Variants in UGT1A8 observed in about 807,000 individuals in gnomAD.
UGT1A8 encodes UDP glucuronosyltransferase family 1 member A8, also known as UDP-glucuronosyltransferase 1A8.
In UGT1A8, 39 loss-of-function variants were observed where a neutral mutation model predicts 45.3. That is an observed-to-expected ratio of 0.86 (90% CI 0.67 to 1.12). UGT1A8 has a LOEUF of 1.12. Among genes scored for constraint, UGT1A8 ranks in the 50% most tolerant of loss-of-function variants. The probability of loss-of-function intolerance (pLI) is 0.00; values close to 1 mark genes in which losing one functional copy is unlikely to be tolerated. For missense variants in UGT1A8, 719 were observed against 664.9 expected (o/e 1.08, Z -0.90); for synonymous variants, 275 against 249.2 (o/e 1.10, Z -0.97).
intron 1 of UGT1A8, chr2:233,747,248 T>G: frequency 3.1e-6 from 5 of 1,601,666 alleles, no homozygotes; most frequent in Non-Finnish European, 4.3e-6. Context: ...CTGCTGTGGC[T>G]GGCCACAGGA....
intron 1 of UGT1A8, among the ~76,000 whole-genome samples, chr2:233,683,645 T>TTA (rs1357955429): frequency 6.6e-6 from 1 of 152,182 alleles, no homozygotes; most frequent in Non-Finnish European, 1.5e-5. Context: ...AATTTTGCAC[T>TTA]TTATAAAAGT....
chr2:233,754,416 A>G, intron 1 of UGT1A8: 1 of 342,596 alleles, frequency 2.9e-6, no homozygotes, highest in South Asian at 2.4e-5. Flanking sequence ...AACAATAAAG[A>G]CAGGCATTGG....
chr2:233,727,329 TC>T (rs2077605729), intron 1 of UGT1A8, among the ~76,000 whole-genome samples: 1 of 152,014 alleles, frequency 6.6e-6, no homozygotes, highest in Non-Finnish European at 1.5e-5. Context: ...CACCAGGAGC[TC>T]CTCCCTCCCC....
intron 1 of UGT1A8, among the ~76,000 whole-genome samples, chr2:233,757,010 A>G (rs1316931838): frequency 1.3e-5 from 2 of 151,932 alleles, no homozygotes; most frequent in African/African-American, 4.8e-5. Flanking sequence ...GGTAGAGTTC[A>G]GTTTGAACAA....
chr2:233,736,028 C>T lies in UGT1A8; in HGVS notation c.856-31006C>T, dbSNP rs2078720719. 2.0e-5 allele frequency among the ~76,000 whole-genome samples: 3 copies of T among 152,098 alleles called. No homozygotes were observed. The South Asian group carries it at 6.2e-4, about 32-fold the overall frequency. ...TCGAGGAGTATCTTTGTGGTGTTCT[C>T]TGTATTTCCTGAATTTGAATGTTGG... is the stretch of plus-strand genomic sequence containing the variant. On this transcript the variant is annotated intron_variant, in intron 1 of 4. Transcript: ENST00000373450.
chr2:233,755,073 T>A (rs764125289), intron 1 of UGT1A8: 1 of 1,336,212 alleles, frequency 7.5e-7, no homozygotes, highest in East Asian at 4.6e-5. Flanking sequence ...GCCATAGCGG[T>A]CATAGATATC....
chr2:233,715,087 T>C (rs2076431912), intron 1 of UGT1A8, among the ~76,000 whole-genome samples: 1 of 152,132 alleles, frequency 6.6e-6, no homozygotes, highest in Non-Finnish European at 1.5e-5. Context: ...AGTTTCATCA[T>C]ATTGGCCAGG....
intron 1 of UGT1A8, among the ~76,000 whole-genome samples, chr2:233,698,082 T>A (rs1434328705): frequency 6.6e-6 from 1 of 152,220 alleles, no homozygotes; most frequent in Non-Finnish European, 1.5e-5. Context: ...CTCTAATGAA[T>A]GTACTTTTTG....
chr2:233,635,924 G>A (rs1212170921), intron 1 of UGT1A8, among the ~76,000 whole-genome samples: 2 of 150,904 alleles, frequency 1.3e-5, no homozygotes, highest in Non-Finnish European at 2.9e-5. Flanking sequence ...GGTCCATGGA[G>A]GCAGGGTTGT....
intron 1 of UGT1A8, among the ~76,000 whole-genome samples, chr2:233,653,192 A>G (rs890568006): frequency 6.6e-6 from 1 of 152,234 alleles, no homozygotes; most frequent in African/African-American, 2.4e-5. Context: ...AACTTTAAAA[A>G]TTATTTATTT....
In UGT1A8 at chr2:233,719,788, G is replaced by T. The variant is rs184331208; in HGVS notation, c.856-47246G>T. 800 of 1,609,458 alleles carry T rather than the reference G, an allele frequency of 5.0e-4. 15 individuals are homozygous for T. The East Asian group carries it at 0.012, about 25-fold the overall frequency. On this transcript the variant is annotated intron_variant, in intron 1 of 4. Transcript: ENST00000373450. ...TTCCATATCTACTTATCTTTCCAAA[G>T]ATTTTATTTTGGCTTCTTTATAACA...
At chr2:233,684,145 C>A (rs1288847651) in intron 1 of UGT1A8, among the ~76,000 whole-genome samples, 1 of 152,164 alleles carries the variant, frequency 6.6e-6, no homozygotes, top group East Asian at 1.9e-4. Context: ...GACTTTGTAA[C>A]ACAGTCACAT....
intron 1 of UGT1A8, chr2:233,756,153 G>A (rs1213505703): frequency 6.6e-6 from 1 of 152,140 alleles, no homozygotes; most frequent in Non-Finnish European, 1.5e-5. Flanking sequence ...GGGATCCCTA[G>A]GATTTCCTGG....
At chr2:233,730,107 G>A (rs2077985691) in intron 1 of UGT1A8, 1 of 1,570,754 alleles carries the variant, frequency 6.4e-7, no homozygotes, top group Non-Finnish European at 8.6e-7. Flanking sequence ...TTTCATTTCT[G>A]CTTCTCCTTG....
At chr2:233,723,435 C>T (rs1211906407) in intron 1 of UGT1A8, among the ~76,000 whole-genome samples, 2 of 136,680 alleles carry the variant, frequency 1.5e-5, no homozygotes, top group East Asian at 4.4e-4. Context: ...GTCTCGAACT[C>T]CTGACCTCAG....
chr2:233,719,624 G>A (rs3732217), intron 1 of UGT1A8: 109,088 of 1,613,632 alleles, frequency 0.068, 3,778 homozygotes, highest in East Asian at 0.17. Context: ...ACCCCAGGCC[G>A]ATCATGCCCA....
chr2:233,627,198 A>T (rs371204890), intron 1 of UGT1A8, among the ~76,000 whole-genome samples: 25 of 152,108 alleles, frequency 1.6e-4, no homozygotes, highest in African/African-American at 6.0e-4. Context: ...TTTCCAGAAT[A>T]GGGCACTGTC....
intron 1 of UGT1A8, among the ~76,000 whole-genome samples, chr2:233,627,653 C>T (rs1286768889): frequency 6.7e-6 from 1 of 148,454 alleles, no homozygotes; most frequent in Non-Finnish European, 1.5e-5. Context: ...TCCTTCCTTC[C>T]TTCCTTCCTT....
intron 1 of UGT1A8, chr2:233,636,482 A>C (rs1237852209): frequency 6.3e-7 from 1 of 1,587,146 alleles, no homozygotes; most frequent in Non-Finnish European, 8.6e-7. Flanking sequence ...GTATCATAGC[A>C]GCTTAGAATC....
Sources: allele counts gnomAD v4.1 joint callset (sites outside exome capture counted in the v4.1 genomes callset), GRCh38; gene constraint gnomAD v4.1.1; transcripts MANE v1.5; gene names NCBI Gene and HGNC (gene_info 2026-07-23, HGNC 2026-07-21).